Variants in ATRNL1 observed in about 807,000 individuals in gnomAD.
ATRNL1 encodes the protein attractin like 1.
ATRNL1 carries 95 observed loss-of-function variants against 182.7 expected under a neutral mutation model. The observed-to-expected ratio is 0.52, with a 90% confidence interval of 0.44 to 0.62. The LOEUF (loss-of-function observed/expected upper bound fraction) is 0.62. ATRNL1 is among the 20% of genes least tolerant of loss of function. ATRNL1 has a pLI of 0.00. For synonymous variants in ATRNL1, 576 were observed against 568.3 expected (o/e 1.01, Z -0.19); for missense variants, 1,471 against 1,679.5 (o/e 0.88, Z 2.17).
chr10:115,483,743 AGT>A (rs1244610512), intron 24 of ATRNL1, among the ~76,000 whole-genome samples: 1 of 151,650 alleles, frequency 6.6e-6, no homozygotes, highest in Non-Finnish European at 1.5e-5. Context: ...ATTAAATGTG[AGT>A]GTTATGATTC....
chr10:115,117,283 A>G (rs1844531486), intron 1 of ATRNL1, among the ~76,000 whole-genome samples: 1 of 151,944 alleles, frequency 6.6e-6, no homozygotes, highest in Non-Finnish European at 1.5e-5. Context: ...GCTTTCAAAT[A>G]CTAGTCTCAT....
At chr10:115,463,960 T>G (rs1344622697) in intron 22 of ATRNL1, among the ~76,000 whole-genome samples, 1 of 152,068 alleles carries the variant, frequency 6.6e-6, no homozygotes, top group Non-Finnish European at 1.5e-5. Flanking sequence ...TCCTCCACAG[T>G]ATTGTCCATA....
chr10:115,326,286 A>G (rs1367898522), intron 18 of ATRNL1, among the ~76,000 whole-genome samples: 7 of 152,178 alleles, frequency 4.6e-5, no homozygotes, highest in African/African-American at 1.2e-4. Flanking sequence ...CTTATACACC[A>G]ATAACAGACA....
chr10:115,908,569 C>G (rs191840520), intron 28 of ATRNL1, among the ~76,000 whole-genome samples: 2 of 152,278 alleles, frequency 1.3e-5, no homozygotes, highest in Admixed American at 1.3e-4. Context: ...GAAGGTCCTT[C>G]GTTTAATCAC....
chr10:115,861,555 A>G (rs1385993045), intron 28 of ATRNL1, among the ~76,000 whole-genome samples: 1 of 152,104 alleles, frequency 6.6e-6, no homozygotes, highest in Non-Finnish European at 1.5e-5. Context: ...TCTGGCCTGA[A>G]ATTTGGCTTA....
chr10:115,485,370 A>G (rs782178673), intron 24 of ATRNL1, among the ~76,000 whole-genome samples: 1 of 152,030 alleles, frequency 6.6e-6, no homozygotes, highest in African/African-American at 2.4e-5. Flanking sequence ...TAATTAACAG[A>G]TAAAATTGTA....
intron 11 of ATRNL1, 66 bp from the exon 12 acceptor site, chr10:115,266,731 T>A: frequency 1.1e-6 from 1 of 893,316 alleles, no homozygotes; most frequent in Non-Finnish European, 1.7e-6. Context: ...CTTATTTTTA[T>A]AACTAAATCA....
intron 28 of ATRNL1, among the ~76,000 whole-genome samples, chr10:115,907,938 A>G (rs967710624): frequency 2.6e-5 from 4 of 152,222 alleles, no homozygotes; most frequent in Admixed American, 2.0e-4. Flanking sequence ...AGAAGAAAGC[A>G]TACACCGTCT....
rs533747526 is a variant in ATRNL1, at chr10:115,359,054, C to G, written c.3175+24635C>G. 2.0e-5 allele frequency among the ~76,000 whole-genome samples: 3 copies of G among 151,756 alleles called. No individual in the cohort carries two copies. The East Asian group carries it at 5.8e-4, about 29-fold the overall frequency. ...TCCCTGCCTTTGAACTCAAATTACT[C>G]ATTTTTCAAATCTCAGCTCCAATAA... On this transcript the variant is annotated intron_variant, in intron 19 of 28. Transcript: ENST00000355044.
chr10:115,096,847 A>G, intron 1 of ATRNL1: 1 of 1,114,680 alleles, frequency 9.0e-7, no homozygotes. Context: ...CAGGTAAAAC[A>G]AAAGGAACAT....
chr10:115,633,830 G>C (rs1858682293), intron 26 of ATRNL1, among the ~76,000 whole-genome samples: 1 of 152,098 alleles, frequency 6.6e-6, no homozygotes, highest in Non-Finnish European at 1.5e-5. Context: ...TTTGACACCA[G>C]TGATTTCTTG....
At chr10:115,363,605 C>T (rs1856865476) in intron 19 of ATRNL1, among the ~76,000 whole-genome samples, 1 of 150,294 alleles carries the variant, frequency 6.7e-6, no homozygotes, top group Admixed American at 6.6e-5. Flanking sequence ...TGCCTATGTC[C>T]TGAATGGTAA....
intron 5 of ATRNL1, among the ~76,000 whole-genome samples, chr10:115,130,171 A>G (rs1387885618): frequency 6.6e-6 from 1 of 152,150 alleles, no homozygotes; most frequent in Non-Finnish European, 1.5e-5. Context: ...TGAAATTAAG[A>G]GATATGCTTA....
At chr10:115,438,181 C>T (rs1846496763) in intron 21 of ATRNL1, among the ~76,000 whole-genome samples, 3 of 151,962 alleles carry the variant, frequency 2.0e-5, no homozygotes, top group African/African-American at 7.2e-5. Flanking sequence ...TTGAAATTTA[C>T]ATGAGCAGTG....
intron 26 of ATRNL1, among the ~76,000 whole-genome samples, chr10:115,633,042 A>G (rs1555026943): frequency 6.6e-6 from 1 of 151,746 alleles, no homozygotes; most frequent in Non-Finnish European, 1.5e-5. Context: ...ACAGGCATGC[A>G]CTGCCACACC....
In ATRNL1 at chr10:115,535,995, G is replaced by T. The variant is rs186491235; in HGVS notation, c.3717-13463G>T. ...TTTTGTCTCAGAGGATTACCTGGCT[G>T]TGTGACGTGTCAGTCTGCCCCTACT... On this transcript the variant is annotated intron_variant, in intron 25 of 28. Transcript: ENST00000355044. Among the ~76,000 whole-genome samples the T allele has an allele frequency of 2.6e-3, 389 of 151,564 alleles. 8 individuals carry two copies. Among genetic ancestry groups the T allele is most frequent in the African/African-American group, 8.8e-3 (364 of 41,182 alleles).
At chr10:115,419,945 G>A (rs142856252) in intron 20 of ATRNL1, among the ~76,000 whole-genome samples, 5 of 152,104 alleles carry the variant, frequency 3.3e-5, no homozygotes, top group Non-Finnish European at 5.9e-5. Flanking sequence ...CAGAGCATTC[G>A]GTCTAACAGC....
chr10:115,807,383 G>A (rs1949946218), intron 27 of ATRNL1, among the ~76,000 whole-genome samples: 1 of 152,134 alleles, frequency 6.6e-6, no homozygotes. Context: ...CTAAAGTGCT[G>A]GGATTATAGG....
At chr10:115,912,392 T>A (rs1952707476) in intron 28 of ATRNL1, among the ~76,000 whole-genome samples, 1 of 136,428 alleles carries the variant, frequency 7.3e-6, no homozygotes, top group Admixed American at 8.0e-5. Context: ...GTCAAATTAG[T>A]GAAATACATA....
Sources: allele counts gnomAD v4.1 joint callset (sites outside exome capture counted in the v4.1 genomes callset), GRCh38; gene constraint gnomAD v4.1.1; transcripts MANE v1.5; gene names NCBI Gene and HGNC (gene_info 2026-07-23, HGNC 2026-07-21).